Variants in RAPGEF5 observed in about 807,000 individuals in gnomAD.
RAPGEF5 encodes M-Ras-regulated GEF.
In RAPGEF5, 65 loss-of-function variants were observed where a neutral mutation model predicts 125.2. The ratio of observed to expected loss-of-function variants is 0.52; its 90% CI spans 0.43 to 0.64. RAPGEF5 has a LOEUF of 0.64. RAPGEF5 is among the 30% of genes least tolerant of loss of function. The pLI is 0.00. For missense variants in RAPGEF5, 958 were observed against 1,048.1 expected (o/e 0.91, Z 1.19); for synonymous variants, 391 against 385.9 (o/e 1.01, Z -0.16).
At chr7:22,177,354 G>T (rs1784540266) in intron 11 of RAPGEF5, among the ~76,000 whole-genome samples, 1 of 152,194 alleles carries the variant, frequency 6.6e-6, no homozygotes, top group Non-Finnish European at 1.5e-5. Context: ...TGTTTTCCAT[G>T]TAAGTGCCAG....
chr7:22,323,412 A>G (rs796839523), intron 1 of RAPGEF5, among the ~76,000 whole-genome samples: 7 of 152,328 alleles, frequency 4.6e-5, no homozygotes, highest in African/African-American at 1.7e-4. Flanking sequence ...AACAGATACA[A>G]CAGAAACAAA....
intron 9 of RAPGEF5, among the ~76,000 whole-genome samples, chr7:22,202,085 C>G (rs1418706853): frequency 6.6e-6 from 1 of 152,068 alleles, no homozygotes; most frequent in Admixed American, 6.6e-5. Context: ...GAACTAAGTC[C>G]GAGGGGTAGG....
chr7:22,303,184 T>C (rs754417404), intron 5 of RAPGEF5, among the ~76,000 whole-genome samples: 3 of 152,214 alleles, frequency 2.0e-5, no homozygotes, highest in African/African-American at 7.2e-5. Flanking sequence ...TCCTCACCCA[T>C]TCTTCCTCAA....
intron 6 of RAPGEF5, among the ~76,000 whole-genome samples, chr7:22,267,220 C>G (rs191491085): frequency 6.6e-6 from 1 of 152,068 alleles, no homozygotes; most frequent in East Asian, 1.9e-4. Flanking sequence ...TATTGAATTA[C>G]TTTTTTAAAA....
intron 1 of RAPGEF5, among the ~76,000 whole-genome samples, chr7:22,318,742 A>C (rs1432833541): frequency 6.6e-6 from 1 of 152,160 alleles, no homozygotes; most frequent in Non-Finnish European, 1.5e-5. Context: ...ACCAGACTCG[A>C]AGTCCAGTTT....
chr7:22,266,070 T>A (rs768555136), intron 7 of RAPGEF5, among the ~76,000 whole-genome samples: 3 of 152,154 alleles, frequency 2.0e-5, no homozygotes, highest in Non-Finnish European at 4.4e-5. Context: ...AAATAGTAAC[T>A]GAGAAAAAAT....
intron 5 of RAPGEF5, among the ~76,000 whole-genome samples, chr7:22,301,643 G>C (rs1243414888): frequency 6.7e-6 from 1 of 149,190 alleles, no homozygotes; most frequent in Non-Finnish European, 1.5e-5. Context: ...AAAATTAAGA[G>C]TAGATAGGCC....
intron 11 of RAPGEF5, among the ~76,000 whole-genome samples, chr7:22,190,596 C>T (rs1206339686): frequency 6.6e-6 from 1 of 152,162 alleles, no homozygotes; most frequent in African/African-American, 2.4e-5. Context: ...ATTCTCCTCC[C>T]GGCTATATTC....
intron 1 of RAPGEF5, among the ~76,000 whole-genome samples, chr7:22,333,683 T>C (rs1308966809): frequency 1.3e-5 from 2 of 151,762 alleles, no homozygotes; most frequent in East Asian, 1.9e-4. Flanking sequence ...CATCCAGGCC[T>C]GCATGACTTG....
intron 17 of RAPGEF5, 95 bp from the exon 18 acceptor site, chr7:22,150,599 C>A: frequency 7.0e-7 from 1 of 1,431,598 alleles, no homozygotes; most frequent in Non-Finnish European, 9.2e-7. Context: ...TGAAACTTGC[C>A]AAAGAAAAAT....
chr7:22,221,817 C>T (rs1480850097), intron 8 of RAPGEF5, among the ~76,000 whole-genome samples: 1 of 152,176 alleles, frequency 6.6e-6, no homozygotes, highest in East Asian at 1.9e-4. Context: ...TCTTTATTAG[C>T]AGCATGAGAG....
At chr7:22,190,241 C>T (rs1313241555) in intron 11 of RAPGEF5, among the ~76,000 whole-genome samples, 1 of 141,426 alleles carries the variant, frequency 7.1e-6, no homozygotes, top group Non-Finnish European at 1.6e-5. Flanking sequence ...GATCATACTC[C>T]AGCCTGGGTG....
At chr7:22,305,832 A>C (rs771190618) in intron 5 of RAPGEF5, among the ~76,000 whole-genome samples, 1 of 152,190 alleles carries the variant, frequency 6.6e-6, no homozygotes, top group Non-Finnish European at 1.5e-5. Context: ...GGCGTATGTC[A>C]TTCAACATAA....
rs184197672 is a variant in RAPGEF5 at position 22,287,518 on chromosome 7, T to C, written c.747+3657A>G. ...CACATTTGAATAAAAATGGTGAATA[T>C]ACAAGAGGGCACGGTTGACTGTACT... On this transcript the variant is annotated intron_variant, in intron 6 of 25. Coordinates refer to ENST00000665637, the MANE Select transcript of RAPGEF5 (RefSeq NM_012294.5). 7.2e-5 allele frequency among the ~76,000 whole-genome samples: 11 copies of C among 152,242 alleles called. No individual in the cohort carries two copies. The East Asian group carries it at 2.1e-3, about 29-fold the overall frequency.
intron 11 of RAPGEF5, among the ~76,000 whole-genome samples, chr7:22,182,447 G>T (rs1784704254): frequency 6.6e-6 from 1 of 152,116 alleles, no homozygotes; most frequent in African/African-American, 2.4e-5. Flanking sequence ...AGTATCTCTT[G>T]TTCCCTTCAA....
At chr7:22,160,950 A>G (rs1185771898) in intron 13 of RAPGEF5, among the ~76,000 whole-genome samples, 5 of 151,880 alleles carry the variant, frequency 3.3e-5, no homozygotes, top group Non-Finnish European at 7.4e-5. Context: ...TAATTCCAAC[A>G]CTTTGGGAGG....
chr7:22,228,042 T>C (rs1183575385), intron 8 of RAPGEF5, among the ~76,000 whole-genome samples: 1 of 152,218 alleles, frequency 6.6e-6, no homozygotes, highest in Non-Finnish European at 1.5e-5. Context: ...CCCAGTTAGA[T>C]ACTTTAAATA....
intron 5 of RAPGEF5, among the ~76,000 whole-genome samples, chr7:22,304,631 C>G (rs1783290534): frequency 6.6e-6 from 1 of 152,152 alleles, no homozygotes; most frequent in South Asian, 2.1e-4. Context: ...GTCCCATGCC[C>G]CAGTGAATCT....
At chr7:22,274,090 T>G (rs1020591648) in intron 6 of RAPGEF5, among the ~76,000 whole-genome samples, 4 of 152,190 alleles carry the variant, frequency 2.6e-5, no homozygotes, top group Non-Finnish European at 5.9e-5. Context: ...CCTTCCTCTC[T>G]GGCTACTGCT....
Sources: allele counts gnomAD v4.1 joint callset (sites outside exome capture counted in the v4.1 genomes callset), GRCh38; gene constraint gnomAD v4.1.1; transcripts MANE v1.5; gene names NCBI Gene and HGNC (gene_info 2026-07-23, HGNC 2026-07-21).